Variants in MXD1 observed in about 807,000 individuals in gnomAD.
MXD1 encodes the protein MAX dimerization protein 1.
MXD1 carries 9 observed loss-of-function variants against 25.7 expected under a neutral mutation model. The ratio of observed to expected loss-of-function variants is 0.35; its 90% CI spans 0.21 to 0.61. MXD1 has a LOEUF of 0.61. MXD1 is among the 20% of genes least tolerant of loss of function. The pLI is 0.75. For missense variants in MXD1, 227 were observed against 292.4 expected (o/e 0.78, Z 1.63); for synonymous variants, 99 against 113.9 (o/e 0.87, Z 0.83).
In MXD1 at chr2:69,922,855, G is replaced by A. The variant is rs1333878164; in HGVS notation, c.203+1090G>A. On this transcript the variant is annotated intron_variant, in intron 3 of 5. Coordinates refer to ENST00000264444, the MANE Select transcript of MXD1 (RefSeq NM_002357.4). ...AGATCCCGCCACTGCACTCCGGCTT[G>A]GGCAACAGAGTGAGACTCCGTCTCA... Among the ~76,000 whole-genome samples the A allele has an allele frequency of 4.0e-5, 6 of 150,012 alleles. 1 individual carries two copies. The South Asian group carries it at 1.1e-3, about 26-fold the overall frequency.
intron 5 of MXD1, 87 bp downstream of exon 5, chr2:69,937,481 G>A: frequency 1.5e-6 from 2 of 1,322,910 alleles, no homozygotes; most frequent in Non-Finnish European, 2.0e-6. Context: ...GAGGCAGAGT[G>A]TAAGAAGAAC....
intron 4 of MXD1, chr2:69,936,974 A>C (rs1165796630): frequency 1.7e-6 from 1 of 594,556 alleles, no homozygotes; most frequent in Admixed American, 2.2e-5. Flanking sequence ...GAGGGCTACC[A>C]GGGTGCCAGT....
In MXD1 at chr2:69,915,415, C is replaced by T; in HGVS notation, c.73+12C>T. ...GCGGCGGGAGAGAGGTGCACGGGGACGGGGAGGGGTCCACTCGAAACGAGG... is the reference window on the plus strand; with the variant it reads ...GCGGCGGGAGAGAGGTGCACGGGGATGGGGAGGGGTCCACTCGAAACGAGG... On this transcript the variant is annotated intron_variant, in intron 1 of 5. Transcript: ENST00000264444. This position sits in a 1 kb window ranked among gnomAD's most constrained non-coding sequence, Gnocchi z 5.8. 7.9e-7 allele frequency: 1 copy of T among 1,268,630 alleles called. No homozygotes were observed. The highest frequency in any genetic ancestry group is 4.2e-5 in the Admixed American group (1 of 23,988). 78.6% of individuals were successfully genotyped at this position (1,268,630 alleles called of 1,614,324 possible). A position where few individuals can be genotyped will look rare whatever the true frequency, so the allele number is the denominator to read the frequency against.
rs781654406 is a variant in MXD1, at chr2:69,921,709, T to C, written c.174-27T>C. ...AGTTCTTTAAGACAAAAATATCTTA[T>C]TCTTCTCTTATTGTTCCCTCTTTCA... is the stretch of plus-strand genomic sequence containing the variant. On this transcript the variant is annotated intron_variant, in intron 2 of 5. Coordinates refer to ENST00000264444, the MANE Select transcript of MXD1 (RefSeq NM_002357.4). 6 of 1,600,050 alleles carry C rather than the reference T, an allele frequency of 3.7e-6. No individual in the cohort carries two copies. The South Asian group carries it at 6.8e-5, about 18-fold the overall frequency.
intron 5 of MXD1, among the ~76,000 whole-genome samples, chr2:69,937,656 C>A (rs1368959804): frequency 5.9e-5 from 9 of 152,152 alleles, no homozygotes; most frequent in Admixed American, 2.0e-4. Context: ...GCTCTGTCAC[C>A]CAGGCTGGAG....
At chr2:69,934,307 C>T (rs151301385) in intron 3 of MXD1, among the ~76,000 whole-genome samples, 1 of 152,088 alleles carries the variant, frequency 6.6e-6, no homozygotes, top group African/African-American at 2.4e-5. Context: ...AAGCAAAACC[C>T]CCAAATCTCA....
Position 69,942,852 on chromosome 2 carries a change from AACT to A in MXD1, c.*4574_*4576del, listed in dbSNP as rs1291316445. 6.6e-6 allele frequency: 1 copy of A among 152,070 alleles called. No individual in the cohort carries two copies. The highest frequency in any genetic ancestry group is 1.5e-5 in the Non-Finnish European group (1 of 68,022). The allele number at this position is 152,070 out of a possible 1,614,324, so 9.4% of individuals were successfully genotyped here. A position where few individuals can be genotyped will look rare whatever the true frequency, so the allele number is the denominator to read the frequency against. ...TACAGTTAGCACATGCATTTTTAGA[AACT>A]ACTACATGTTTTAGAGAATCTTTGC... On this transcript the variant is annotated 3_prime_UTR_variant, in exon 6 of 6. Coordinates refer to ENST00000264444, the MANE Select transcript of MXD1 (RefSeq NM_002357.4).
chr2:69,925,754 C>T (rs1197893808), intron 3 of MXD1, among the ~76,000 whole-genome samples: 1 of 152,156 alleles, frequency 6.6e-6, no homozygotes, highest in Non-Finnish European at 1.5e-5. Context: ...TCTTAAACCA[C>T]CTGTAGAAAA....
At chr2:69,919,704 T>C (rs1016977796) in intron 2 of MXD1, among the ~76,000 whole-genome samples, 1 of 152,200 alleles carries the variant, frequency 6.6e-6, no homozygotes, top group African/African-American at 2.4e-5. Context: ...AAATGCCACG[T>C]GCTTTAGAGC....
intron 2 of MXD1, among the ~76,000 whole-genome samples, chr2:69,919,975 C>T (rs1336380237): frequency 6.6e-6 from 1 of 151,110 alleles, no homozygotes; most frequent in African/African-American, 2.4e-5. Context: ...CATGCCTGAC[C>T]ATTTTAAAGT....
At position 69,915,276 on chromosome 2, in the gene MXD1, C is replaced by T; in HGVS notation, c.-55C>T. On this transcript the variant is annotated 5_prime_UTR_variant, in exon 1 of 6. Transcript: ENST00000264444. The surrounding 1 kb of genome is among the most constrained non-coding windows in gnomAD (Gnocchi z 5.8). ...GGGCTCCACAGCGGTCCGGCGGCGG[C>T]AGCGAGCCCGTGGGCAGTGGGGGTT... 1 of 1,286,862 alleles carries T rather than the reference C, an allele frequency of 7.8e-7. No individual in the cohort carries two copies. The highest frequency in any genetic ancestry group is 9.9e-7 in the Non-Finnish European group (1 of 1,005,842). The allele number at this position is 1,286,862 out of a possible 1,614,324, so 79.7% of individuals were successfully genotyped here. A position where few individuals can be genotyped will look rare whatever the true frequency, so the allele number is the denominator to read the frequency against.
At position 69,942,610 on chromosome 2, in the gene MXD1, ACAAC is replaced by A. The variant is rs1167463016; in HGVS notation, c.*4330_*4333del. The A allele has an allele frequency of 6.6e-6, 1 of 152,164 alleles. No individual in the cohort carries two copies. Among genetic ancestry groups the A allele is most frequent in the Non-Finnish European group, 1.5e-5 (1 of 68,040 alleles). 9.4% of individuals were successfully genotyped at this position (152,164 alleles called of 1,614,324 possible). On this transcript the variant is annotated 3_prime_UTR_variant, in exon 6 of 6. Coordinates refer to ENST00000264444, the MANE Select transcript of MXD1 (RefSeq NM_002357.4). The stretch of plus-strand genomic sequence containing the variant: ...CATTCTTCATTTTAGCTTTTACCTG[ACAAC>A]CAAACTTGCCTTTACCCCATCCCTA...
intron 2 of MXD1, among the ~76,000 whole-genome samples, chr2:69,916,637 A>G (rs543793008): frequency 6.6e-6 from 1 of 152,338 alleles, no homozygotes; most frequent in East Asian, 1.9e-4. Flanking sequence ...TAAACACATT[A>G]AAGTACCTGA....
chr2:69,922,879 CAAAAA>C (rs34830116), intron 3 of MXD1, among the ~76,000 whole-genome samples: 2 of 115,088 alleles, frequency 1.7e-5, no homozygotes, highest in Admixed American at 9.3e-5. Flanking sequence ...GACTCCGTCT[CAAAAA>C]AAAAAAAAAA....
rs1347368162 is a variant in MXD1 at position 69,938,173 on chromosome 2, C to T, written c.555C>T (p.Asp185=). 4 of 1,614,218 alleles carry T rather than the reference C, an allele frequency of 2.5e-6. No individual in the cohort carries two copies. Among genetic ancestry groups the T allele is most frequent in the Non-Finnish European group, 2.5e-6 (3 of 1,180,024 alleles). The part of the protein sequence containing the change: ...DLDWSSSSVS[D]SDERGSMQSL... ...ACTGGAGCAGCAGCAGTGTGAGCGA[C>T]TCTGACGAGCGGGGCAGCATGCAGA... Residue 185 remains aspartate, a synonymous_variant, in exon 6 of 6, where the codon GAC becomes GAT. Coordinates refer to ENST00000264444, the MANE Select transcript of MXD1 (RefSeq NM_002357.4).
intron 3 of MXD1, among the ~76,000 whole-genome samples, chr2:69,928,350 G>A (rs4144081): frequency 0.54 from 81,665 of 151,958 alleles, 24,001 homozygotes; most frequent in African/African-American, 0.79. Flanking sequence ...AAACTTGGAA[G>A]GAAGTTAAGT....
chr2:69,930,756 G>C (rs1360987234), intron 3 of MXD1, among the ~76,000 whole-genome samples: 2 of 152,176 alleles, frequency 1.3e-5, no homozygotes, highest in Non-Finnish European at 2.9e-5. Flanking sequence ...CTTATTATCT[G>C]TGTTTGCTCA....
intron 3 of MXD1, 113 bp from the exon 4 acceptor site, chr2:69,935,238 A>G: frequency 1.4e-6 from 1 of 715,042 alleles, no homozygotes; most frequent in Non-Finnish European, 2.5e-6. Flanking sequence ...CATTGGTAGC[A>G]TTTGCCATCG....
At chr2:69,920,462 G>C (rs1022468311) in intron 2 of MXD1, among the ~76,000 whole-genome samples, 1 of 152,242 alleles carries the variant, frequency 6.6e-6, no homozygotes. Context: ...ATGCTAGGTT[G>C]GAAATTTCTC....
Sources: allele counts gnomAD v4.1 joint callset (sites outside exome capture counted in the v4.1 genomes callset), GRCh38; gene constraint gnomAD v4.1.1; non-coding constraint Gnocchi (gnomAD v3.1); transcripts MANE v1.5; gene names NCBI Gene and HGNC (gene_info 2026-07-23, HGNC 2026-07-21).